The following SYT1 variants were observed in gnomAD, a reference collection of about 807,000 sequenced individuals.
SYT1 encodes the protein synaptotagmin 1.
A neutral mutation model predicts 44.8 loss-of-function variants in SYT1; 8 were observed. The observed-to-expected ratio is 0.18, with a 90% CI of 0.10 to 0.32. SYT1 has a LOEUF of 0.32. SYT1 is among the 10% of genes least tolerant of loss of function. The probability of loss-of-function intolerance (pLI) is 1.00; values close to 1 mark genes in which losing one functional copy is unlikely to be tolerated. For missense variants in SYT1, 286 were observed against 509.3 expected (o/e 0.56, Z 4.22); for synonymous variants, 154 against 188.8 (o/e 0.82, Z 1.51).
At chr12:79,202,344 A>G (rs1873839851) in intron 3 of SYT1, among the ~76,000 whole-genome samples, 1 of 152,174 alleles carries the variant, frequency 6.6e-6, no homozygotes. Context: ...ATGGTGACTC[A>G]ATGGTATTTT....
intron 3 of SYT1, among the ~76,000 whole-genome samples, chr12:79,214,599 A>C (rs1384524155): frequency 1.3e-5 from 2 of 152,250 alleles, no homozygotes; most frequent in Admixed American, 6.5e-5. Context: ...GGATCCAGCT[A>C]TCAGTACACA....
chr12:79,229,465 T>G (rs1049273052), intron 4 of SYT1, among the ~76,000 whole-genome samples: 1 of 152,230 alleles, frequency 6.6e-6, no homozygotes, highest in African/African-American at 2.4e-5. Context: ...AATTTTAGTT[T>G]AATTTTGACT....
intron 1 of SYT1, among the ~76,000 whole-genome samples, chr12:78,955,800 T>TTGTGTG (rs60111282): frequency 0.034 from 4,719 of 138,632 alleles, 121 homozygotes; most frequent in African/African-American, 0.049. Context: ...GCCAAGATAT[T>TTGTGTG]TGTGTGTGTG....
intron 1 of SYT1, among the ~76,000 whole-genome samples, chr12:78,875,124 A>G (rs551480947): frequency 7.2e-5 from 11 of 151,764 alleles, no homozygotes; most frequent in African/African-American, 2.7e-4. Context: ...TTTAACCTAC[A>G]TATGCTACAG....
intron 1 of SYT1, among the ~76,000 whole-genome samples, chr12:78,931,260 A>G (rs1592574508): frequency 1.3e-5 from 1 of 75,822 alleles, no homozygotes; most frequent in Non-Finnish European, 2.9e-5. Context: ...GGAAGGAAGG[A>G]AGGAAGGAAG....
At chr12:78,948,822 A>G (rs990705699) in intron 1 of SYT1, among the ~76,000 whole-genome samples, 3 of 151,800 alleles carry the variant, frequency 2.0e-5, no homozygotes, top group Non-Finnish European at 2.9e-5. Context: ...CATAGTGTCC[A>G]TGGAGAGGTG....
chr12:79,326,786 C>G (rs939752347), intron 8 of SYT1, among the ~76,000 whole-genome samples: 3 of 152,112 alleles, frequency 2.0e-5, no homozygotes, highest in African/African-American at 7.2e-5. Flanking sequence ...AGATTCCCCA[C>G]CACCACCATA....
At chr12:79,174,199 T>C (rs1278076241) in intron 3 of SYT1, among the ~76,000 whole-genome samples, 2 of 152,016 alleles carry the variant, frequency 1.3e-5, no homozygotes, top group African/African-American at 4.8e-5. Flanking sequence ...GATGCTGAAA[T>C]CACTAAGGAT....
chr12:79,409,656 A>ACTTTGCTGC (rs751122075), intron 9 of SYT1, among the ~76,000 whole-genome samples: 1 of 152,050 alleles, frequency 6.6e-6, no homozygotes, highest in Non-Finnish European at 1.5e-5. Context: ...TTTATTATTT[A>ACTTTGCTGC]CTTTGCTGCC....
chr12:79,278,963 T>C (rs2138802385), intron 4 of SYT1, among the ~76,000 whole-genome samples: 1 of 143,144 alleles, frequency 7.0e-6, no homozygotes, highest in East Asian at 2.0e-4. Context: ...CAGGAAGAAA[T>C]AGAACTCTTG....
chr12:79,308,779 C>A (rs1366645061), intron 8 of SYT1, among the ~76,000 whole-genome samples: 1 of 152,188 alleles, frequency 6.6e-6, no homozygotes, highest in Admixed American at 6.5e-5. Context: ...GGTCCCTATA[C>A]TGCACACCTG....
intron 3 of SYT1, among the ~76,000 whole-genome samples, chr12:79,082,304 AAC>A (rs1442671298): frequency 6.6e-6 from 1 of 152,158 alleles, no homozygotes; most frequent in Non-Finnish European, 1.5e-5. Context: ...TCTCCCACTC[AAC>A]AGTCTGCAAG....
intron 3 of SYT1, among the ~76,000 whole-genome samples, chr12:79,048,669 C>G (rs1160576693): frequency 6.6e-6 from 1 of 151,822 alleles, no homozygotes; most frequent in Non-Finnish European, 1.5e-5. Context: ...AAAATTAACT[C>G]TAAATGTATG....
At chr12:79,002,645 C>G (rs1054251345) in intron 2 of SYT1, among the ~76,000 whole-genome samples, 2 of 151,962 alleles carry the variant, frequency 1.3e-5, no homozygotes, top group African/African-American at 4.8e-5. Context: ...GAGCTTATTT[C>G]ATTTATATTC....
chr12:79,089,487 G>C (rs993615702), intron 3 of SYT1, among the ~76,000 whole-genome samples: 8 of 144,320 alleles, frequency 5.5e-5, no homozygotes, highest in Non-Finnish European at 9.0e-5. Flanking sequence ...ATCACTTGTG[G>C]AAGTCAACTG....
chr12:79,309,256 C>A (rs73351076), intron 8 of SYT1, among the ~76,000 whole-genome samples: 1 of 152,130 alleles, frequency 6.6e-6, no homozygotes. Flanking sequence ...CCAAACAGTA[C>A]GAAAGAGTCC....
At chr12:79,340,059 T>C (rs2139043579) in intron 8 of SYT1, among the ~76,000 whole-genome samples, 1 of 152,308 alleles carries the variant, frequency 6.6e-6, no homozygotes, top group East Asian at 1.9e-4. Context: ...TACCATGCTG[T>C]TTTGGTTACT....
chr12:78,895,976 G>A (rs1472706255), intron 1 of SYT1, among the ~76,000 whole-genome samples: 1 of 151,720 alleles, frequency 6.6e-6, no homozygotes, highest in Non-Finnish European at 1.5e-5. Context: ...TTATTTGGGA[G>A]CTTTTTCTCA....
intron 8 of SYT1, among the ~76,000 whole-genome samples, chr12:79,347,014 T>C (rs1329651928): frequency 6.6e-6 from 1 of 151,802 alleles, no homozygotes; most frequent in Non-Finnish European, 1.5e-5. Context: ...AAGGAGGTTT[T>C]TTTGTTTGTT....
Sources: gnomAD v4.1 joint callset for allele counts (sites outside exome capture counted in the v4.1 genomes callset) on GRCh38, gnomAD v4.1.1 for gene constraint, MANE v1.5 for transcripts, NCBI Gene and HGNC (gene_info 2026-07-23, HGNC 2026-07-21) for gene names.